MSI2: variants seen among roughly 807,000 people sequenced by gnomAD.
The protein encoded by MSI2 is RNA-binding protein Musashi homolog 2.
In MSI2, 17 loss-of-function variants were observed where a neutral mutation model predicts 45.6. The observed-to-expected ratio is 0.37, with a 90% confidence interval of 0.26 to 0.56. The LOEUF (loss-of-function observed/expected upper bound fraction) is 0.56. Among genes scored for constraint, MSI2 ranks in the 20% least tolerant of loss-of-function variants. The pLI, the probability that MSI2 is intolerant of heterozygous loss-of-function variation, is 0.77. For synonymous variants in MSI2, 156 were observed against 158.2 expected (o/e 0.99, Z 0.11); for missense variants, 293 against 444.2 (o/e 0.66, Z 3.06).
At chr17:57,649,245 C>T (rs563874422) in intron 10 of MSI2, among the ~76,000 whole-genome samples, 1 of 152,244 alleles carries the variant, frequency 6.6e-6, no homozygotes, top group Admixed American at 6.5e-5. Flanking sequence ...ACACTCAACA[C>T]ACACATCCAC....
At chr17:57,643,857 C>T (rs1910437273) in intron 10 of MSI2, among the ~76,000 whole-genome samples, 1 of 152,240 alleles carries the variant, frequency 6.6e-6, no homozygotes, top group Non-Finnish European at 1.5e-5. Context: ...ACCCTTAGGG[C>T]TCTTGACTGC....
intron 5 of MSI2, among the ~76,000 whole-genome samples, chr17:57,277,173 A>C (rs892756697): frequency 6.7e-6 from 1 of 148,484 alleles, no homozygotes; most frequent in Non-Finnish European, 1.5e-5. Flanking sequence ...CTCTTGCCTC[A>C]GTCTCCCAAG....
At position 57,627,182 on chromosome 17, in the gene MSI2, G is replaced by T. The variant is rs762394913; in HGVS notation, c.653-47G>T. ...CTCCGTGAGATTTTACCCCAGACCT[G>T]AGGCGGCTGTACTAACAGGACTCTG... is the stretch of plus-strand genomic sequence containing the variant. On this transcript the variant is annotated intron_variant, in intron 9 of 13. Coordinates refer to ENST00000284073, the MANE Select transcript of MSI2 (RefSeq NM_138962.4). This position sits in a 1 kb window ranked among gnomAD's most constrained non-coding sequence, Gnocchi z 4.6. 2 of 1,554,164 alleles carry T rather than the reference G, an allele frequency of 1.3e-6. No individual in the cohort carries two copies. The highest frequency in any genetic ancestry group is 4.5e-5 in the East Asian group (2 of 44,568).
intron 7 of MSI2, among the ~76,000 whole-genome samples, chr17:57,558,553 A>T (rs2087495006): frequency 6.6e-6 from 1 of 152,152 alleles, no homozygotes; most frequent in Admixed American, 6.5e-5. Context: ...TTTTGGAGAC[A>T]CATCCCTCCT....
At chr17:57,473,466 G>A (rs187572308) in intron 6 of MSI2, among the ~76,000 whole-genome samples, 117 of 152,224 alleles carry the variant, frequency 7.7e-4, no homozygotes, top group Non-Finnish European at 1.3e-3. Context: ...ATTCATTGAC[G>A]GCAAAAAGAA....
intron 7 of MSI2, among the ~76,000 whole-genome samples, chr17:57,564,411 G>A (rs2087677413): frequency 6.6e-6 from 1 of 152,178 alleles, no homozygotes; most frequent in Non-Finnish European, 1.5e-5. Flanking sequence ...TCCTTCCTCT[G>A]CTTTGGGGGA....
chr17:57,477,355 G>T (rs902100415), intron 6 of MSI2, among the ~76,000 whole-genome samples: 4 of 152,212 alleles, frequency 2.6e-5, no homozygotes, highest in South Asian at 2.1e-4. Flanking sequence ...ACCAAAAGCC[G>T]ACTGCCAATG....
intron 6 of MSI2, among the ~76,000 whole-genome samples, chr17:57,508,734 C>A (rs956102284): frequency 2.6e-5 from 4 of 152,128 alleles, no homozygotes; most frequent in Admixed American, 6.5e-5. Context: ...CGCGTGAGCC[C>A]GGCAGGCCTG....
chr17:57,700,287 A>G, the MSI2 span, among the ~76,000 whole-genome samples: 1 of 152,184 alleles, frequency 6.6e-6, no homozygotes, highest in East Asian at 1.9e-4. Flanking sequence ...GTAGAAATGT[A>G]TTGTATTGCC....
intron 1 of MSI2, 114 bp downstream of exon 1, chr17:57,256,918 G>GT (rs1555568516): frequency 2.0e-6 from 1 of 489,530 alleles, no homozygotes; most frequent in Non-Finnish European, 2.9e-6. Context: ...TCTCCCGCGC[G>GT]CCCCCCCCGT....
chr17:57,467,869 T>C (rs2085357449), intron 6 of MSI2, among the ~76,000 whole-genome samples: 1 of 111,226 alleles, frequency 9.0e-6, no homozygotes, highest in Non-Finnish European at 1.7e-5. Context: ...CCTTCTGTCA[T>C]TCCCCCTCTC....
At chr17:57,640,942 G>A (rs946592106) in intron 10 of MSI2, among the ~76,000 whole-genome samples, 2 of 152,204 alleles carry the variant, frequency 1.3e-5, no homozygotes, top group Non-Finnish European at 2.9e-5. Flanking sequence ...AAGGAATAGA[G>A]AAGGCCGTCC....
At chr17:57,554,508 G>A (rs1019227755) in intron 7 of MSI2, among the ~76,000 whole-genome samples, 5 of 152,194 alleles carry the variant, frequency 3.3e-5, no homozygotes, top group East Asian at 1.9e-4. Flanking sequence ...TTTGGGAAGC[G>A]TTAAAAAGCT....
chr17:57,632,743 CAA>C lies in MSI2; in HGVS notation c.727+5441_727+5442del, dbSNP rs888984622. 9.4e-6 allele frequency: 10 copies of C among 1,065,922 alleles called. No homozygotes were observed. In the Admixed American group the frequency reaches 5.3e-4, roughly 57 times the overall value. 66.0% of individuals were successfully genotyped at this position (1,065,922 alleles called of 1,614,324 possible). A position where few individuals can be genotyped will look rare whatever the true frequency, so the allele number is the denominator to read the frequency against. On this transcript the variant is annotated intron_variant, in intron 10 of 13. Coordinates refer to ENST00000284073, the MANE Select transcript of MSI2 (RefSeq NM_138962.4). ...ATGACGTACCACTCAGTTGGACCCT[CAA>C]GAGTCACTGCTTTGTCTGTGCTGGT...
chr17:57,276,651 C>T (rs1040011141), intron 5 of MSI2, among the ~76,000 whole-genome samples: 1 of 152,226 alleles, frequency 6.6e-6, no homozygotes, highest in Non-Finnish European at 1.5e-5. Context: ...TTCTGAGCTA[C>T]TGTGTTTCCC....
At chr17:57,613,642 C>G (rs1230761510) in intron 8 of MSI2, among the ~76,000 whole-genome samples, 2 of 152,164 alleles carry the variant, frequency 1.3e-5, no homozygotes, top group African/African-American at 2.4e-5. Context: ...CCGTCAGAAA[C>G]CCTTACATCA....
At chr17:57,570,393 G>T (rs2087846418) in intron 7 of MSI2, among the ~76,000 whole-genome samples, 1 of 152,158 alleles carries the variant, frequency 6.6e-6, no homozygotes, top group South Asian at 2.1e-4. Flanking sequence ...TTTCACCAGT[G>T]GTTTTCTCTG....
chr17:57,454,438 C>CTTTTTTT (rs35707042), intron 6 of MSI2, among the ~76,000 whole-genome samples: 4 of 130,122 alleles, frequency 3.1e-5, no homozygotes, highest in African/African-American at 2.9e-5. Context: ...TTTTCTCTTT[C>CTTTTTTT]TTTTTTTTTT....
chr17:57,548,928 C>A (rs1478431459), intron 7 of MSI2, among the ~76,000 whole-genome samples: 12 of 121,762 alleles, frequency 9.9e-5, no homozygotes, highest in African/African-American at 3.0e-4. Flanking sequence ...CAAAAAAAAT[C>A]ATCTCCCACT....
Sources: gnomAD v4.1 joint callset for allele counts (sites outside exome capture counted in the v4.1 genomes callset) on GRCh38, gnomAD v4.1.1 for gene constraint, Gnocchi (gnomAD v3.1) non-coding constraint, MANE v1.5 for transcripts, NCBI Gene and HGNC (gene_info 2026-07-23, HGNC 2026-07-21) for gene names.